NIN: variants seen among roughly 807,000 people sequenced by gnomAD.
The protein encoded by NIN is glycogen synthase kinase 3 beta-interacting protein.
Under a neutral mutation model 257.6 loss-of-function variants are expected in NIN, and 137 were observed. That is an observed-to-expected ratio of 0.53 (90% confidence interval 0.46 to 0.61). The LOEUF (loss-of-function observed/expected upper bound fraction) is 0.61, where lower values mean the gene tolerates loss of function less well. Ranked by LOEUF, NIN falls within the 20% of genes least tolerant of loss-of-function variation. The pLI is 0.00. For synonymous variants in NIN, 918 were observed against 919.8 expected (o/e 1.00, Z 0.04); for missense variants, 2,439 against 2,501.2 (o/e 0.98, Z 0.53).
intron 4 of NIN, among the ~76,000 whole-genome samples, chr14:50,794,722 C>T (rs1470611324): frequency 2.8e-5 from 4 of 143,932 alleles, no homozygotes; most frequent in South Asian, 2.2e-4. Context: ...ATGGAAGTGG[C>T]GAAGGAGCTC....
At position 50,763,821 on chromosome 14, in the gene NIN, T is replaced by C. The variant is rs2042369889; in HGVS notation, c.1774+5A>G. Reference sequence around the variant, plus strand: ...TTTATCTACAGCCTGTCCGAATGTGTTTACCGTGTTCGGGCTCAATGCCAC... The same window carrying C: ...TTTATCTACAGCCTGTCCGAATGTGCTTACCGTGTTCGGGCTCAATGCCAC... On this transcript the variant is annotated splice_donor_5th_base_variant and intron_variant, in intron 15 of 30. Transcript: ENST00000530997. 6.2e-7 allele frequency: 1 copy of C among 1,613,714 alleles called. No homozygotes were observed. The highest frequency in any genetic ancestry group is 1.3e-5 in the African/African-American group (1 of 74,882).
At position 50,807,056 on chromosome 14, in the gene NIN, A is replaced by G. The variant is rs6650505; in HGVS notation, c.184-238T>C. On this transcript the variant is annotated intron_variant, in intron 3 of 30. Coordinates refer to ENST00000530997, the MANE Select transcript of NIN (RefSeq NM_020921.4). ...ATTCACCCCAAAGGAAAAAAGCTAT[A>G]TAGCAAAATCCTCTTTATAAACTCA... Among the ~76,000 whole-genome samples the G allele has an allele frequency of 0.41, 62,395 of 152,046 alleles. 14,159 individuals are homozygous for G. Among genetic ancestry groups the G allele is most frequent in the Non-Finnish European group, 0.52 (35,581 of 67,962 alleles).
In NIN at chr14:50,792,786, G is replaced by A. The variant is rs2043657530; in HGVS notation, c.361C>T (p.Pro121Ser). ...PEFQESVEEF[P>S]EVTVIEPLDE... ...AGTGGCTCAATCACCGTCACTTCAG[G>A]AAACTCCTCCACGGACTCTTGGAAC... The change falls in exon 5 of 31, where the codon CCT (proline) becomes TCT (serine). Residue 121 changes from proline (P) to serine (S), a missense_variant. Pro to Ser is a moderately conservative substitution (Grantham distance 74). This residue lies in a region of NIN where 387 missense variants were observed against 427.3 expected (regional missense o/e 0.91). Coordinates refer to ENST00000530997, the MANE Select transcript of NIN (RefSeq NM_020921.4). 2 of 1,614,086 alleles carry A rather than the reference G, an allele frequency of 1.2e-6. No homozygotes were observed. The highest frequency in any genetic ancestry group is 1.7e-6 in the Non-Finnish European group (2 of 1,180,044).
At chr14:50,819,699 A>C (rs2045108149) in intron 3 of NIN, among the ~76,000 whole-genome samples, 2 of 152,272 alleles carry the variant, frequency 1.3e-5, no homozygotes, top group Admixed American at 1.3e-4. Flanking sequence ...CCTGACAGGC[A>C]GGACACACAC....
intron 4 of NIN, among the ~76,000 whole-genome samples, chr14:50,794,729 G>A (rs1174750694): frequency 6.7e-6 from 1 of 149,108 alleles, no homozygotes; most frequent in East Asian, 1.9e-4. Context: ...TGGCGAAGGA[G>A]CTCTTATTGC....
chr14:50,824,560 A>T (rs1330013099), intron 2 of NIN, among the ~76,000 whole-genome samples: 1 of 152,194 alleles, frequency 6.6e-6, no homozygotes, highest in African/African-American at 2.4e-5. Flanking sequence ...CCAAATGTTC[A>T]TCAGTAATTT....
intron 4 of NIN, among the ~76,000 whole-genome samples, chr14:50,803,744 T>A (rs1052835577): frequency 6.6e-6 from 1 of 152,136 alleles, no homozygotes; most frequent in African/African-American, 2.4e-5. Context: ...GATCTATGAT[T>A]TAAGGGATAG....
intron 4 of NIN, chr14:50,794,619 T>C (rs150113430): frequency 3.2e-5 from 6 of 185,692 alleles, no homozygotes; most frequent in East Asian, 1.8e-4. Flanking sequence ...TTAGTGACTA[T>C]AGGGGTTTGG....
intron 17 of NIN, among the ~76,000 whole-genome samples, chr14:50,759,638 C>T (rs1439659037): frequency 2.0e-5 from 3 of 152,118 alleles, no homozygotes; most frequent in Non-Finnish European, 2.9e-5. Context: ...GGACTACAGG[C>T]GCCCGCCACC....
intron 12 of NIN, among the ~76,000 whole-genome samples, chr14:50,767,653 T>TAA (rs1233480611): frequency 2.0e-5 from 3 of 152,008 alleles, no homozygotes; most frequent in African/African-American, 4.8e-5. Context: ...CCGTCTCTAC[T>TAA]AAAAATACAA....
At chr14:50,811,770 G>A (rs987036830) in intron 3 of NIN, among the ~76,000 whole-genome samples, 9 of 151,644 alleles carry the variant, frequency 5.9e-5, no homozygotes, top group African/African-American at 1.5e-4. Flanking sequence ...TGAGGTGGGC[G>A]GATCACAAGG....
intron 5 of NIN, among the ~76,000 whole-genome samples, chr14:50,780,682 G>C (rs2043101480): frequency 6.6e-6 from 1 of 152,114 alleles, no homozygotes; most frequent in South Asian, 2.1e-4. Flanking sequence ...CATTTAATTT[G>C]GCCATACCAA....
intron 4 of NIN, among the ~76,000 whole-genome samples, chr14:50,799,217 G>A (rs546314922): frequency 7.9e-5 from 12 of 152,170 alleles, no homozygotes; most frequent in African/African-American, 2.9e-4. Context: ...TGGGAGTGCC[G>A]AACCTCATGA....
chr14:50,767,123 C>T (rs1421561552), intron 12 of NIN, among the ~76,000 whole-genome samples: 2 of 152,182 alleles, frequency 1.3e-5, no homozygotes, highest in Non-Finnish European at 2.9e-5. Flanking sequence ...CTGTCCAAAA[C>T]AGGTAGCTGC....
rs1482449356 is a variant in NIN, at chr14:50,748,044, A to C, written c.5012T>G (p.Ile1671Ser). ...GAGAAGGTGGTTTTCCTGTTGCACA[A>C]TATGGGTCTGTATTTTAACTTCAGA... Reference protein sequence around the residue: ...ELSEVKIQTHIVQQENHLLKD... With the variant: ...ELSEVKIQTHSVQQENHLLKD... The change falls in exon 22 of 31, where the codon ATT (isoleucine) becomes AGT (serine). Residue 1671 changes from isoleucine to serine, a missense_variant. This residue lies in a region of NIN where 2,043 missense variants were observed against 2,050.2 expected (regional missense o/e 1.00). Coordinates refer to ENST00000530997, the MANE Select transcript of NIN (RefSeq NM_020921.4). The C allele has an allele frequency of 6.2e-7, 1 of 1,614,120 alleles. No homozygotes were observed. Among genetic ancestry groups the C allele is most frequent in the Admixed American group, 1.7e-5 (1 of 60,026 alleles).
In NIN at chr14:50,761,662, C is replaced by G. The variant is rs2042279459; in HGVS notation, c.1896+128G>C. 3.9e-6 allele frequency: 4 copies of G among 1,018,978 alleles called. No homozygotes were observed. In the Admixed American group the frequency reaches 8.7e-5, roughly 22 times the overall value. 63.1% of individuals were successfully genotyped at this position (1,018,978 alleles called of 1,614,324 possible). A position where few individuals can be genotyped will look rare whatever the true frequency, so the allele number is the denominator to read the frequency against. On this transcript the variant is annotated intron_variant, in intron 16 of 30. Transcript: ENST00000530997. ...CCTTGCTGTCAGCCTACAAAACCATCCTGAGGATGTGGGTTCCCAACATAG... is the reference window on the plus strand; with the variant it reads ...CCTTGCTGTCAGCCTACAAAACCATGCTGAGGATGTGGGTTCCCAACATAG...
chr14:50,764,977 C>G (rs556130859), intron 14 of NIN, among the ~76,000 whole-genome samples: 1 of 139,498 alleles, frequency 7.2e-6, no homozygotes, highest in Non-Finnish European at 1.5e-5. Flanking sequence ...GTTAAGAAAA[C>G]AAGTGGATGA....
At chr14:50,749,984 T>C (rs1009795048) in intron 21 of NIN, among the ~76,000 whole-genome samples, 6 of 152,212 alleles carry the variant, frequency 3.9e-5, no homozygotes, top group Non-Finnish European at 5.9e-5. Context: ...TGAGCCACTA[T>C]ACCTGGCTGG....
At chr14:50,729,345 C>T (rs550005869) in intron 29 of NIN, among the ~76,000 whole-genome samples, 178 bp downstream of exon 29, 2 of 151,834 alleles carry the variant, frequency 1.3e-5, no homozygotes, top group Non-Finnish European at 2.9e-5. Context: ...TCGTAGCTCA[C>T]TGCAGCCTTG....
Sources: gnomAD v4.1 joint callset for allele counts (sites outside exome capture counted in the v4.1 genomes callset) on GRCh38, gnomAD v4.1.1 for gene constraint, gnomAD v4.1.1 regional missense constraint, MANE v1.5 for transcripts, NCBI Gene and HGNC (gene_info 2026-07-23, HGNC 2026-07-21) for gene names.